The following NME7 variants were observed in gnomAD, a reference collection of about 807,000 sequenced individuals.
NME7 encodes NME/NM23 family member 7.
In NME7, 41 loss-of-function variants were observed where a neutral mutation model predicts 49.1. The observed-to-expected ratio is 0.83, with a 90% confidence interval of 0.65 to 1.08. The LOEUF is 1.08. Among genes scored for constraint, NME7 ranks in the 50% least tolerant of loss-of-function variants. The pLI, the probability that NME7 is intolerant of heterozygous loss-of-function variation, is 0.00. For missense variants in NME7, 423 were observed against 463.4 expected (o/e 0.91, Z 0.80); for synonymous variants, 139 against 150.6 (o/e 0.92, Z 0.56).
chr1:169,248,277 C>T (rs770643164), intron 7 of NME7, among the ~76,000 whole-genome samples: 5 of 151,844 alleles, frequency 3.3e-5, no homozygotes, highest in Non-Finnish European at 7.4e-5. Flanking sequence ...ATTCTTATAT[C>T]CTCTTTTGAG....
chr1:169,314,560 T>C (rs1175034657), intron 3 of NME7, among the ~76,000 whole-genome samples: 1 of 152,094 alleles, frequency 6.6e-6, no homozygotes, highest in African/African-American at 2.4e-5. Flanking sequence ...CCAAGTATAT[T>C]AGTAGTTACG....
chr1:169,356,388 C>T (rs1245960642), intron 1 of NME7, among the ~76,000 whole-genome samples: 1 of 151,808 alleles, frequency 6.6e-6, no homozygotes, highest in Non-Finnish European at 1.5e-5. Flanking sequence ...GAAAGGTGGA[C>T]AAGGAAGTCC....
chr1:169,341,328 G>C (rs557789101), intron 1 of NME7, among the ~76,000 whole-genome samples: 3 of 152,362 alleles, frequency 2.0e-5, no homozygotes, highest in Non-Finnish European at 2.9e-5. Flanking sequence ...TGGGATTGCA[G>C]GTACGCAGAA....
intron 7 of NME7, among the ~76,000 whole-genome samples, chr1:169,246,734 A>G (rs1434317023): frequency 6.6e-6 from 1 of 152,138 alleles, no homozygotes; most frequent in African/African-American, 2.4e-5. Flanking sequence ...ATGTGCCACC[A>G]TGCCCAGCTA....
chr1:169,231,422 C>T (rs1647613642), intron 9 of NME7, among the ~76,000 whole-genome samples: 1 of 152,182 alleles, frequency 6.6e-6, no homozygotes, highest in South Asian at 2.1e-4. Flanking sequence ...GGAAACACAA[C>T]AGAGCCCAAC....
intron 10 of NME7, among the ~76,000 whole-genome samples, chr1:169,173,107 G>T (rs1191050387): frequency 6.6e-6 from 1 of 152,142 alleles, no homozygotes. Context: ...TTTGAATTTT[G>T]CCTCTGCCAC....
rs1045966660 is a variant in NME7 at position 169,263,038 on chromosome 1, A to G, written c.754+24265T>C. ...ACTAGAATTGAAGCCAGACAACCAAACCCACCTTATACCACAATCAAACCC... is the reference window on the plus strand; with the variant it reads ...ACTAGAATTGAAGCCAGACAACCAAGCCCACCTTATACCACAATCAAACCC... On this transcript the variant is annotated intron_variant, in intron 7 of 11. Transcript: ENST00000367811. Among the ~76,000 whole-genome samples, 2 of 132,634 alleles carry G rather than the reference A, an allele frequency of 1.5e-5. 1 individual carries two copies. The allele number at this position is 132,634 out of a possible 152,430, so 87.0% of individuals were successfully genotyped here.
chr1:169,352,231 T>C (rs1253589779), intron 1 of NME7, among the ~76,000 whole-genome samples: 2 of 152,104 alleles, frequency 1.3e-5, no homozygotes, highest in Admixed American at 6.6e-5. Context: ...TCATTCATCA[T>C]GACCAAGTGG....
At chr1:169,231,050 C>G (rs1647592439) in intron 9 of NME7, among the ~76,000 whole-genome samples, 1 of 152,130 alleles carries the variant, frequency 6.6e-6, no homozygotes, top group Non-Finnish European at 1.5e-5. Flanking sequence ...GCTTTATCAT[C>G]CGACACTTTC....
chr1:169,164,700 A>G (rs1217655364), intron 11 of NME7, among the ~76,000 whole-genome samples: 1 of 152,164 alleles, frequency 6.6e-6, no homozygotes, highest in African/African-American at 2.4e-5. Flanking sequence ...AAACATGCGT[A>G]TTATTTCCAT....
At chr1:169,264,666 G>A (rs1649264100) in intron 7 of NME7, among the ~76,000 whole-genome samples, 1 of 132,300 alleles carries the variant, frequency 7.6e-6, no homozygotes, top group East Asian at 2.0e-4. Flanking sequence ...AATAATAGTG[G>A]GAGACATCAA....
At chr1:169,251,398 T>C (rs1648572017) in intron 7 of NME7, among the ~76,000 whole-genome samples, 1 of 152,056 alleles carries the variant, frequency 6.6e-6, no homozygotes, top group Non-Finnish European at 1.5e-5. Context: ...TTGAAGACAG[T>C]ATATATTTGG....
intron 3 of NME7, among the ~76,000 whole-genome samples, chr1:169,316,237 C>T (rs548939545): frequency 6.6e-5 from 10 of 151,822 alleles, no homozygotes; most frequent in Non-Finnish European, 1.2e-4. Context: ...AACTGAATGT[C>T]CAAAAACAAC....
intron 10 of NME7, among the ~76,000 whole-genome samples, chr1:169,180,746 T>C (rs1482611631): frequency 6.6e-6 from 1 of 152,226 alleles, no homozygotes; most frequent in African/African-American, 2.4e-5. Flanking sequence ...TTTAACCCTA[T>C]ATATTCAAAA....
At chr1:169,144,761 C>T (rs144292467) in intron 11 of NME7, among the ~76,000 whole-genome samples, 2 of 152,082 alleles carry the variant, frequency 1.3e-5, no homozygotes, top group African/African-American at 2.4e-5. Context: ...GGCACTGTGG[C>T]GTGCACCTGC....
At chr1:169,273,822 T>C (rs1300454871) in intron 7 of NME7, among the ~76,000 whole-genome samples, 2 of 124,786 alleles carry the variant, frequency 1.6e-5, no homozygotes, top group African/African-American at 5.3e-5. Flanking sequence ...TAGTATTCCA[T>C]GGTGTATATG....
intron 6 of NME7, among the ~76,000 whole-genome samples, chr1:169,290,467 G>T (rs1650453822): frequency 6.6e-6 from 1 of 152,100 alleles, no homozygotes; most frequent in Admixed American, 6.6e-5. Flanking sequence ...GCCATATGCA[G>T]AAAACAGAAA....
chr1:169,298,579 C>G lies in NME7; in HGVS notation c.625G>C (p.Asp209His), dbSNP rs754060825. ...ACTCTGGCCGCAGAAGCAAAAGAAT[C>G]AGGGCCATGCGCTGCATTTCTTATG... ...DGIRNAAHGPDSFASAAREME... is the reference protein window; with the variant it reads ...DGIRNAAHGPHSFASAAREME... Residue 209 changes from aspartate to histidine, a missense_variant, in exon 6 of 12, where the codon GAT (aspartate) becomes CAT (histidine). Physicochemically the swap from Asp to His is moderately conservative, Grantham distance 81 (BLOSUM62 -1). Transcript: ENST00000367811. The G allele has an allele frequency of 6.2e-7, 1 of 1,613,822 alleles. No homozygotes were observed. Among genetic ancestry groups the G allele is most frequent in the South Asian group, 1.1e-5 (1 of 91,052 alleles).
intron 7 of NME7, among the ~76,000 whole-genome samples, chr1:169,250,171 G>A (rs994563630): frequency 6.6e-6 from 1 of 151,752 alleles, no homozygotes; most frequent in African/African-American, 2.4e-5. Context: ...TGGTCTGTTC[G>A]GGGTTTCTAT....
Sources: allele counts gnomAD v4.1 joint callset (sites outside exome capture counted in the v4.1 genomes callset), GRCh38; gene constraint gnomAD v4.1.1; transcripts MANE v1.5; gene names NCBI Gene and HGNC (gene_info 2026-07-23, HGNC 2026-07-21).